Variants in PSMB2 observed in about 807,000 individuals in gnomAD.
PSMB2 encodes the protein proteasome subunit beta type-2.
Under a neutral mutation model 25.7 loss-of-function variants are expected in PSMB2, and 13 were observed. The ratio of observed to expected loss-of-function variants is 0.51; its 90% confidence interval spans 0.33 to 0.80. The LOEUF is 0.80. Ranked by LOEUF, PSMB2 falls within the 30% of genes least tolerant of loss-of-function variation. The probability of loss-of-function intolerance (pLI) is 0.02; values close to 1 mark genes in which losing one functional copy is unlikely to be tolerated. For missense variants in PSMB2, 202 were observed against 259.0 expected, an observed-to-expected ratio of 0.78 and a Z score of 1.51; for synonymous variants, 87 against 96.2, an observed-to-expected ratio of 0.90 and a Z score of 0.56.
In PSMB2 at chr1:35,600,467, T is replaced by A. The variant is rs565718035; in HGVS notation, c.*2800A>T. On this transcript the variant is annotated 3_prime_UTR_variant, in exon 6 of 6. Transcript: ENST00000373237. Reference sequence around the variant, plus strand: ...GGGTATAAGGACACCATATTATCTTTGCAACTTTTCTGTAAAACCAAATTT... The same window carrying A: ...GGGTATAAGGACACCATATTATCTTAGCAACTTTTCTGTAAAACCAAATTT... 1 of 933,980 alleles carries A rather than the reference T, an allele frequency of 1.1e-6. No homozygotes were observed. Among genetic ancestry groups the A allele is most frequent in the South Asian group, 5.0e-5 (1 of 20,188 alleles). 57.9% of individuals were successfully genotyped at this position (933,980 alleles called of 1,614,324 possible). A position where few individuals can be genotyped will look rare whatever the true frequency, so the allele number is the denominator to read the frequency against.
At chr1:35,609,719 A>G (rs754893719) in intron 3 of PSMB2, among the ~76,000 whole-genome samples, 1 of 152,244 alleles carries the variant, frequency 6.6e-6, no homozygotes, top group Non-Finnish European at 1.5e-5. Flanking sequence ...AGTATTTGAT[A>G]GCAAAACAGA....
In PSMB2 at chr1:35,610,773, C is replaced by G. The variant is rs1185120931; in HGVS notation, c.286-1365G>C. Among the ~76,000 whole-genome samples, 3 of 152,166 alleles carry G rather than the reference C, an allele frequency of 2.0e-5. No homozygotes were observed. The East Asian group carries it at 5.8e-4, about 29-fold the overall frequency. On this transcript the variant is annotated intron_variant, in intron 3 of 5. Transcript: ENST00000373237. ...CCTCCCAAAGTGCTGGGATTACAGG[C>G]GTGAGCCACTGCGCCCGGCCATAAG...
chr1:35,641,440 G>A lies in PSMB2; in HGVS notation c.-8C>T. ...ACCGATGAGGTACTCCATGGTGGCG[G>A]AAGGCCAGGGGCTGCAGGTCCGACA... On this transcript the variant is annotated 5_prime_UTR_variant, in exon 1 of 6. Transcript: ENST00000373237. 6.2e-6 allele frequency: 10 copies of A among 1,614,118 alleles called. No individual in the cohort carries two copies. The highest frequency in any genetic ancestry group is 8.5e-6 in the Non-Finnish European group (10 of 1,180,006).
intron 3 of PSMB2, among the ~76,000 whole-genome samples, chr1:35,611,576 C>A (rs1650343762): frequency 6.6e-6 from 1 of 152,144 alleles, no homozygotes. Context: ...GTAATCCCAG[C>A]ACTTTGGGAG....
chr1:35,638,767 A>G (rs1017019411), intron 1 of PSMB2, among the ~76,000 whole-genome samples: 10 of 152,234 alleles, frequency 6.6e-5, no homozygotes, highest in African/African-American at 1.9e-4. Flanking sequence ...TATACCACTT[A>G]ATAAGGTGGC....
At position 35,603,133 on chromosome 1, in the gene PSMB2, A is replaced by G. The variant is rs1650054046; in HGVS notation, c.*134T>C. The G allele has an allele frequency of 1.4e-6, 2 of 1,439,224 alleles. No homozygotes were observed. Among genetic ancestry groups the G allele is most frequent in the Non-Finnish European group, 1.8e-6 (2 of 1,096,676 alleles). The allele number at this position is 1,439,224 out of a possible 1,614,324, so 89.2% of individuals were successfully genotyped here. A position where few individuals can be genotyped will look rare whatever the true frequency, so the allele number is the denominator to read the frequency against. ...TTAGGTAAACTGAGACCTGGACCAG[A>G]GGGCTCAATTATATCCATAGTCACC... On this transcript the variant is annotated 3_prime_UTR_variant, in exon 6 of 6. Coordinates refer to ENST00000373237, the MANE Select transcript of PSMB2 (RefSeq NM_002794.5).
intron 4 of PSMB2, among the ~76,000 whole-genome samples, chr1:35,605,807 G>A (rs1196603539): frequency 1.3e-5 from 2 of 152,194 alleles, no homozygotes; most frequent in African/African-American, 4.8e-5. Context: ...TGTGGGCGTG[G>A]CAAACTGGGA....
chr1:35,633,086 C>T (rs548843536), intron 2 of PSMB2, among the ~76,000 whole-genome samples: 2 of 151,736 alleles, frequency 1.3e-5, no homozygotes, highest in East Asian at 1.9e-4. Context: ...CCAGGCATGG[C>T]GGTGCATGCC....
At chr1:35,627,226 C>T (rs767197464) in intron 3 of PSMB2, among the ~76,000 whole-genome samples, 13 of 140,012 alleles carry the variant, frequency 9.3e-5, no homozygotes, top group Non-Finnish European at 1.5e-4. Flanking sequence ...GTGACTGTGC[C>T]ACCTCTTAGG....
At chr1:35,636,273 A>T in intron 2 of PSMB2, 37 bp downstream of exon 2, 1 of 1,612,012 alleles carries the variant, frequency 6.2e-7, no homozygotes, top group Admixed American at 1.7e-5. Flanking sequence ...AGCCCTAGTA[A>T]ACTCATATGC....
intron 3 of PSMB2, among the ~76,000 whole-genome samples, chr1:35,615,809 C>T (rs938024479): frequency 1.3e-5 from 2 of 152,116 alleles, no homozygotes; most frequent in Non-Finnish European, 2.9e-5. Context: ...TGATGTGTTG[C>T]ACCTTGGAAT....
Position 35,600,320 on chromosome 1 carries a change from G to A in PSMB2, c.*2947C>T, listed in dbSNP as rs1353942912. The A allele has an allele frequency of 3.2e-6, 3 of 930,446 alleles. No homozygotes were observed. Among genetic ancestry groups the A allele is most frequent in the South Asian group, 5.0e-5 (1 of 20,100 alleles). 57.6% of individuals were successfully genotyped at this position (930,446 alleles called of 1,614,324 possible). On this transcript the variant is annotated 3_prime_UTR_variant, in exon 6 of 6. Coordinates refer to ENST00000373237, the MANE Select transcript of PSMB2 (RefSeq NM_002794.5). ...ACAGAAGAAAATTAGTGGAAAAACT[G>A]GTAAAATCTGAATAAAGCCTGGAGC...
rs1177888985 is a variant in PSMB2 at position 35,603,983 on chromosome 1, C to T, written c.499-609G>A. On this transcript the variant is annotated intron_variant, in intron 5 of 5. Coordinates refer to ENST00000373237, the MANE Select transcript of PSMB2 (RefSeq NM_002794.5). ...GCTGCAGTGAGCTATGATGGTGCCA[C>T]TGCACTCCACTCCAGCCTGGGCAAC... Among the ~76,000 whole-genome samples, 4 of 147,378 alleles carry T rather than the reference C, an allele frequency of 2.7e-5. No homozygotes were observed. The East Asian group carries it at 8.1e-4, about 30-fold the overall frequency.
chr1:35,636,394 G>T lies in PSMB2; in HGVS notation c.130C>A (p.Leu44Ile), dbSNP rs1433749956. Residue 44 changes from leucine (L) to isoleucine (I), a missense_variant, in exon 2 of 6, where the codon CTC (leucine) becomes ATC (isoleucine). Physicochemically the swap from Leu to Ile is conservative, Grantham distance 5. Coordinates refer to ENST00000373237, the MANE Select transcript of PSMB2 (RefSeq NM_002794.5). ...KMFKMSEKIL[L>I]LCVGEAGDTV... ...TCTCCAGCCTCTCCAACACACAGGA[G>T]TAATATCTTTTCACTCATCTTAAAC... is the stretch of plus-strand genomic sequence containing the variant. 1.2e-5 allele frequency: 19 copies of T among 1,613,944 alleles called. No individual in the cohort carries two copies. The highest frequency in any genetic ancestry group is 1.5e-5 in the Non-Finnish European group (18 of 1,179,856).
At chr1:35,625,184 T>C (rs1437262384) in intron 3 of PSMB2, among the ~76,000 whole-genome samples, 4 of 152,244 alleles carry the variant, frequency 2.6e-5, no homozygotes, top group African/African-American at 9.6e-5. Context: ...TTCTACTGTT[T>C]ACTTGCTAAG....
At chr1:35,608,973 GT>G (rs1359195038) in intron 4 of PSMB2, among the ~76,000 whole-genome samples, 1 of 152,214 alleles carries the variant, frequency 6.6e-6, no homozygotes, top group Non-Finnish European at 1.5e-5. Context: ...TTTATTCACT[GT>G]GACATCTATT....
chr1:35,631,272 A>G lies in PSMB2; in HGVS notation c.285+2T>C. The G allele has an allele frequency of 6.2e-7, 1 of 1,613,000 alleles. No individual in the cohort carries two copies. Among genetic ancestry groups the G allele is most frequent in the Non-Finnish European group, 8.5e-7 (1 of 1,178,988 alleles). Reference sequence around the variant, plus strand: ...TCTAACAATGTCTGATATATTACTTACCCGACTCCGAAGACAGTCAGCCAG... The same window carrying G: ...TCTAACAATGTCTGATATATTACTTGCCCGACTCCGAAGACAGTCAGCCAG... On this transcript the variant is annotated splice_donor_variant, in intron 3 of 5. Transcript: ENST00000373237. LOFTEE classifies it high-confidence loss of function.
At position 35,603,095 on chromosome 1, in the gene PSMB2, T is replaced by C; in HGVS notation, c.*172A>G. On this transcript the variant is annotated 3_prime_UTR_variant, in exon 6 of 6. Transcript: ENST00000373237. Reference sequence around the variant, plus strand: ...AAAGATCATCTTCCCTCCATATCCTTTCTGAGGTAATATTAGGTAAACTGA... The same window carrying C: ...AAAGATCATCTTCCCTCCATATCCTCTCTGAGGTAATATTAGGTAAACTGA... The C allele has an allele frequency of 5.7e-6, 8 of 1,397,176 alleles. No individual in the cohort carries two copies. Among genetic ancestry groups the C allele is most frequent in the Non-Finnish European group, 7.4e-6 (8 of 1,076,550 alleles). 86.5% of individuals were successfully genotyped at this position (1,397,176 alleles called of 1,614,324 possible). A position where few individuals can be genotyped will look rare whatever the true frequency, so the allele number is the denominator to read the frequency against.
chr1:35,636,318 A>G lies in PSMB2; in HGVS notation c.206T>C (p.Met69Thr). The G allele has an allele frequency of 1.2e-6, 2 of 1,614,136 alleles. No individual in the cohort carries two copies. The highest frequency in any genetic ancestry group is 8.5e-7 in the Non-Finnish European group (1 of 1,180,004). The change falls in exon 2 of 6, where the codon ATG becomes ACG. Residue 69 changes from methionine (M) to threonine (T), a missense_variant. Coordinates refer to ENST00000373237, the MANE Select transcript of PSMB2 (RefSeq NM_002794.5). ...CTGTAAGTCTTACCCACCATTTCGC[A>G]TCTTATAAAGTTGCACGTTTTTCTG... ...YIQKNVQLYK[M>T]RNGYELSPTA...
Sources: gnomAD v4.1 joint callset for allele counts (sites outside exome capture counted in the v4.1 genomes callset) on GRCh38, gnomAD v4.1.1 for gene constraint, MANE v1.5 for transcripts, NCBI Gene and HGNC (gene_info 2026-07-23, HGNC 2026-07-21) for gene names.